MSL2: variants seen among roughly 807,000 people sequenced by gnomAD.
The protein encoded by MSL2 is MSL complex subunit 2, also known as E3 ubiquitin-protein ligase MSL2.
A neutral mutation model predicts 35.8 loss-of-function variants in MSL2; 2 were observed. That is an observed-to-expected ratio of 0.06 (90% CI 0.02 to 0.18). The LOEUF (loss-of-function observed/expected upper bound fraction) is 0.18, where lower values mean the gene tolerates loss of function less well. Among genes scored for constraint, MSL2 ranks in the 10% least tolerant of loss-of-function variants. The pLI, the probability that MSL2 is intolerant of heterozygous loss-of-function variation, is 1.00. For missense variants in MSL2, 523 were observed against 706.7 expected, an observed-to-expected ratio of 0.74 and a Z score of 2.95; for synonymous variants, 296 against 255.7, an observed-to-expected ratio of 1.16 and a Z score of -1.50.
chr3:136,161,453 T>C (rs969068470), intron 1 of MSL2, among the ~76,000 whole-genome samples: 2 of 152,176 alleles, frequency 1.3e-5, no homozygotes, highest in Non-Finnish European at 1.5e-5. Context: ...GGCCAAAAAT[T>C]AGACACAATC....
chr3:136,167,400 A>G (rs1183553844), intron 1 of MSL2, among the ~76,000 whole-genome samples: 1 of 152,212 alleles, frequency 6.6e-6, no homozygotes, highest in Non-Finnish European at 1.5e-5. Context: ...GCCTTTGACA[A>G]AAATGCATCA....
Position 136,190,326 on chromosome 3 carries a change from G to A in MSL2, c.142+4646C>T, listed in dbSNP as rs1940651779. On this transcript the variant is annotated intron_variant, in intron 1 of 1. Transcript: ENST00000309993. ...CACACCTGTAATCCCAGCATTTTGG[G>A]AGACCCAGGCCAGATGAGTTCAAGA... Among the ~76,000 whole-genome samples the A allele has an allele frequency of 2.0e-5, 3 of 152,050 alleles. No individual in the cohort carries two copies. In the South Asian group the frequency reaches 6.2e-4, roughly 31 times the overall value.
intron 1 of MSL2, among the ~76,000 whole-genome samples, chr3:136,168,692 C>G (rs759397320): frequency 4.0e-5 from 6 of 151,740 alleles, no homozygotes; most frequent in Non-Finnish European, 7.4e-5. Context: ...CACCATGGCA[C>G]GTGTACACCT....
chr3:136,192,714 G>A (rs374187434), intron 1 of MSL2, among the ~76,000 whole-genome samples: 6 of 152,158 alleles, frequency 3.9e-5, no homozygotes, highest in African/African-American at 1.4e-4. Flanking sequence ...AAATCTACAG[G>A]ACGTGTTGAA....
At chr3:136,181,683 C>A (rs908035691) in intron 1 of MSL2, among the ~76,000 whole-genome samples, 4 of 152,080 alleles carry the variant, frequency 2.6e-5, no homozygotes, top group African/African-American at 9.7e-5. Context: ...CTTTGGGAGG[C>A]TGAGGCAGGT....
chr3:136,192,363 G>A (rs1034050090), intron 1 of MSL2, among the ~76,000 whole-genome samples: 1 of 152,040 alleles, frequency 6.6e-6, no homozygotes, highest in East Asian at 1.9e-4. Context: ...ATTTTTAGTA[G>A]AGATGGGGTT....
intron 1 of MSL2, among the ~76,000 whole-genome samples, chr3:136,178,866 G>A (rs1940258409): frequency 6.6e-6 from 1 of 151,580 alleles, no homozygotes; most frequent in African/African-American, 2.4e-5. Flanking sequence ...CCTCACACGT[G>A]GAGTATTCCA....
At chr3:136,194,115 T>C (rs1162949369) in intron 1 of MSL2, among the ~76,000 whole-genome samples, 1 of 152,254 alleles carries the variant, frequency 6.6e-6, no homozygotes, top group Admixed American at 6.5e-5. Context: ...AAGTGGAGCA[T>C]GCATATTACT....
In MSL2 at chr3:136,190,304, A is replaced by C. The variant is rs1420524611; in HGVS notation, c.142+4668T>G. On this transcript the variant is annotated intron_variant, in intron 1 of 1. Coordinates refer to ENST00000309993, the MANE Select transcript of MSL2 (RefSeq NM_018133.4). ...AAATAGTACAGCTACCGGGGCTCAC[A>C]CCTGTAATCCCAGCATTTTGGGAGA... Among the ~76,000 whole-genome samples, 3 of 152,144 alleles carry C rather than the reference A, an allele frequency of 2.0e-5. No individual in the cohort carries two copies. In the East Asian group the frequency reaches 5.8e-4, roughly 29 times the overall value.
At chr3:136,192,583 TA>T (rs59221992) in intron 1 of MSL2, among the ~76,000 whole-genome samples, 1,930 of 129,402 alleles carry the variant, frequency 0.015, 40 homozygotes, top group African/African-American at 0.049. Flanking sequence ...AAAGCAAAGA[TA>T]AAAAAAAAAA....
At chr3:136,170,506 TC>T (rs1559964560) in intron 1 of MSL2, among the ~76,000 whole-genome samples, 10 of 144,348 alleles carry the variant, frequency 6.9e-5, no homozygotes, top group South Asian at 6.6e-4. Flanking sequence ...AAAAACTCTG[TC>T]CTTTTTTTTT....
At position 136,172,592 on chromosome 3, in the gene MSL2, C is replaced by T. The variant is rs146619751; in HGVS notation, c.143-19854G>A. ...AATGCTCTCCTCCTTTCTCCCCTAA[C>T]ACTGTCTCCGTCATCTCCTCTACAT... On this transcript the variant is annotated intron_variant, in intron 1 of 1. Coordinates refer to ENST00000309993, the MANE Select transcript of MSL2 (RefSeq NM_018133.4). 3.9e-5 allele frequency among the ~76,000 whole-genome samples: 6 copies of T among 152,288 alleles called. No individual in the cohort carries two copies. In the East Asian group the frequency reaches 1.2e-3, roughly 29 times the overall value.
intron 1 of MSL2, among the ~76,000 whole-genome samples, chr3:136,167,501 T>C (rs1939884330): frequency 6.6e-6 from 1 of 152,204 alleles, no homozygotes; most frequent in South Asian, 2.1e-4. Context: ...CATAATTCTT[T>C]TTCTGGTCAT....
intron 1 of MSL2, among the ~76,000 whole-genome samples, chr3:136,179,128 T>C (rs918793937): frequency 6.6e-6 from 1 of 151,568 alleles, no homozygotes; most frequent in African/African-American, 2.4e-5. Context: ...GCTATACCAG[T>C]CTTAGTGTAA....
intron 1 of MSL2, among the ~76,000 whole-genome samples, chr3:136,174,984 C>G (rs1011114489): frequency 6.6e-6 from 1 of 152,082 alleles, no homozygotes. Flanking sequence ...TAGCAATAAA[C>G]CGATGCTGAT....
rs1940826108 is a variant in MSL2 at position 136,195,763 on chromosome 3, C to T, written c.-650G>A. 1 of 985,264 alleles carries T rather than the reference C, an allele frequency of 1.0e-6. No homozygotes were observed. Among genetic ancestry groups the T allele is most frequent in the Admixed American group, 6.1e-5 (1 of 16,280 alleles). 61.0% of individuals were successfully genotyped at this position (985,264 alleles called of 1,614,324 possible). On this transcript the variant is annotated 5_prime_UTR_variant, in exon 1 of 2. Coordinates refer to ENST00000309993, the MANE Select transcript of MSL2 (RefSeq NM_018133.4). ...CCAGACTGCGCCCTGGCTCTCCGCC[C>T]CGTGGGTTGCAGCCCGCAGTTCCCC... is the stretch of plus-strand genomic sequence containing the variant.
chr3:136,174,191 C>T (rs1057428130), intron 1 of MSL2, among the ~76,000 whole-genome samples: 1 of 152,102 alleles, frequency 6.6e-6, no homozygotes, highest in Admixed American at 6.5e-5. Context: ...TAAGCCAGCA[C>T]CTAATAAATG....
At chr3:136,162,969 A>AT (rs542937035) in intron 1 of MSL2, among the ~76,000 whole-genome samples, 10,061 of 137,864 alleles carry the variant, frequency 0.073, 378 homozygotes, top group Non-Finnish European at 0.08. Context: ...GAGGACTTGG[A>AT]TTTTTTTTTT....
In MSL2 at chr3:136,195,319, T is replaced by C. The variant is rs1159240383; in HGVS notation, c.-206A>G. 2 of 1,364,234 alleles carry C rather than the reference T, an allele frequency of 1.5e-6. No homozygotes were observed. The highest frequency in any genetic ancestry group is 3.0e-5 in the East Asian group (1 of 33,762). 84.5% of individuals were successfully genotyped at this position (1,364,234 alleles called of 1,614,324 possible). A position where few individuals can be genotyped will look rare whatever the true frequency, so the allele number is the denominator to read the frequency against. ...TGGGGCCTTGGCGCCCCTCCGTCCC[T>C]GAGACTTCCAGACCAAAAATATGAG... On this transcript the variant is annotated 5_prime_UTR_variant, in exon 1 of 2. Coordinates refer to ENST00000309993, the MANE Select transcript of MSL2 (RefSeq NM_018133.4).
Sources: gnomAD v4.1 joint callset for allele counts (sites outside exome capture counted in the v4.1 genomes callset) on GRCh38, gnomAD v4.1.1 for gene constraint, MANE v1.5 for transcripts, NCBI Gene and HGNC (gene_info 2026-07-23, HGNC 2026-07-21) for gene names.